SLC25A24: variants seen among roughly 807,000 people sequenced by gnomAD.
SLC25A24 encodes the protein solute carrier family 25 member 24, also known as mitochondrial adenyl nucleotide antiporter SLC25A24.
SLC25A24 carries 49 observed loss-of-function variants against 60.7 expected under a neutral mutation model. The observed-to-expected ratio is 0.81, with a 90% CI of 0.64 to 1.02. SLC25A24 has a LOEUF of 1.02. Among genes scored for constraint, SLC25A24 ranks in the 50% least tolerant of loss-of-function variants. The pLI is 0.00. For missense variants in SLC25A24, 564 were observed against 586.3 expected, an observed-to-expected ratio of 0.96 and a Z score of 0.39; for synonymous variants, 202 against 200.6, an observed-to-expected ratio of 1.01 and a Z score of -0.06.
At chr1:108,157,999 C>T (rs1419522862) in intron 4 of SLC25A24, among the ~76,000 whole-genome samples, 1 of 152,098 alleles carries the variant, frequency 6.6e-6, no homozygotes, top group Non-Finnish European at 1.5e-5. Flanking sequence ...CTGGTGATGA[C>T]ATCTTTTAAG....
At chr1:108,157,153 AG>A in intron 5 of SLC25A24, among the ~76,000 whole-genome samples, 1 of 152,314 alleles carries the variant, frequency 6.6e-6, no homozygotes, top group African/African-American at 2.4e-5. Flanking sequence ...TATATTAAAA[AG>A]AAGGAAACTA....
intron 1 of SLC25A24, chr1:108,192,754 C>T (rs1648385107): frequency 1.5e-6 from 2 of 1,363,630 alleles, no homozygotes; most frequent in Non-Finnish European, 1.9e-6. Context: ...TCCTCAGGGG[C>T]GCCAAACACA....
chr1:108,142,699 T>C (rs963888929), intron 8 of SLC25A24, among the ~76,000 whole-genome samples: 1 of 152,184 alleles, frequency 6.6e-6, no homozygotes, highest in African/African-American at 2.4e-5. Flanking sequence ...GTGTTGATGG[T>C]TGCACAATAT....
chr1:108,163,943 G>C (rs1398927832), intron 3 of SLC25A24, among the ~76,000 whole-genome samples: 19 of 152,082 alleles, frequency 1.2e-4, no homozygotes, highest in Non-Finnish European at 2.2e-4. Flanking sequence ...ATAGATAGCT[G>C]TTATTATTTT....
At chr1:108,179,379 CACCACTGTATGTATGTGTGTGTATACAT>C (rs1324471605) in intron 3 of SLC25A24, among the ~76,000 whole-genome samples, 1 of 152,016 alleles carries the variant, frequency 6.6e-6, no homozygotes, top group African/African-American at 2.4e-5. Context: ...CCTGCAATCC[CACCACTGTATGTATGTGTGTGTATACAT>C]ATATATATAC....
intron 3 of SLC25A24, among the ~76,000 whole-genome samples, chr1:108,168,980 G>A (rs929674276): frequency 1.3e-5 from 2 of 152,102 alleles, no homozygotes; most frequent in Admixed American, 6.5e-5. Context: ...TAACTTTCAC[G>A]TTTAGGTTGG....
intron 1 of SLC25A24, among the ~76,000 whole-genome samples, chr1:108,196,606 A>C (rs828993): frequency 0.24 from 37,069 of 152,116 alleles, 5,017 homozygotes; most frequent in African/African-American, 0.33. Context: ...CTTACTTAAA[A>C]AATAAGCATT....
intron 7 of SLC25A24, among the ~76,000 whole-genome samples, chr1:108,147,510 C>A (rs1423082986): frequency 6.6e-6 from 1 of 152,016 alleles, no homozygotes; most frequent in Non-Finnish European, 1.5e-5. Context: ...CTTAGGGTGT[C>A]GATTTTAGAT....
At chr1:108,192,424 CCT>C in intron 1 of SLC25A24, 1 of 1,162,586 alleles carries the variant, frequency 8.6e-7, no homozygotes, top group Non-Finnish European at 1.2e-6. Context: ...TAAATTTTGC[CCT>C]CTCTGCCCAA....
At chr1:108,179,408 A>C (rs182137237) in intron 3 of SLC25A24, among the ~76,000 whole-genome samples, 1 of 152,184 alleles carries the variant, frequency 6.6e-6, no homozygotes, top group Admixed American at 6.5e-5. Context: ...GTGTATACAT[A>C]TATATATACA....
In SLC25A24 at chr1:108,147,986, G is replaced by A. The variant is rs368419332; in HGVS notation, c.930+293C>T. Among the ~76,000 whole-genome samples the A allele has an allele frequency of 5.3e-4, 80 of 152,206 alleles. 2 individuals carry two copies. In the East Asian group the frequency reaches 8.9e-3, roughly 17 times the overall value. ...TCAGGCAGCCTACAGAAAGGCTCAC[G>A]TGATAAGGAACTGATGTTTCCAGCC... On this transcript the variant is annotated intron_variant, in intron 7 of 9. Transcript: ENST00000565488.
intron 4 of SLC25A24, among the ~76,000 whole-genome samples, chr1:108,160,951 A>C (rs1680059024): frequency 1.3e-5 from 2 of 151,730 alleles, no homozygotes; most frequent in Admixed American, 1.3e-4. Context: ...AAAGAGAGGG[A>C]GAGGGAGACC....
At position 108,186,959 on chromosome 1, in the gene SLC25A24, C is replaced by T. The variant is rs529980716; in HGVS notation, c.184-1005G>A. On this transcript the variant is annotated intron_variant, in intron 1 of 9. Transcript: ENST00000565488. ...GGGCATGGTGGCGCATGCCTGTAATCCCAGCTACTTGGGAGGCTGAGGCAA... is the reference window on the plus strand; with the variant it reads ...GGGCATGGTGGCGCATGCCTGTAATTCCAGCTACTTGGGAGGCTGAGGCAA... Among the ~76,000 whole-genome samples the T allele has an allele frequency of 3.3e-5, 5 of 152,164 alleles. No individual in the cohort carries two copies. The South Asian group carries it at 8.3e-4, about 25-fold the overall frequency.
At chr1:108,178,181 C>CAA (rs981881304) in intron 3 of SLC25A24, among the ~76,000 whole-genome samples, 43 of 151,650 alleles carry the variant, frequency 2.8e-4, no homozygotes, top group African/African-American at 9.7e-4. Flanking sequence ...ACAACAACAA[C>CAA]AACAACAAAT....
intron 3 of SLC25A24, among the ~76,000 whole-genome samples, chr1:108,163,387 G>A (rs1379236796): frequency 8.0e-5 from 12 of 150,044 alleles, no homozygotes; most frequent in African/African-American, 2.2e-4. Context: ...GCCTTGGGCA[G>A]TATGGCCATT....
intron 2 of SLC25A24, among the ~76,000 whole-genome samples, chr1:108,182,912 T>G (rs1179235195): frequency 6.6e-6 from 1 of 151,658 alleles, no homozygotes; most frequent in Non-Finnish European, 1.5e-5. Flanking sequence ...GACAGAAAAT[T>G]TTTAATACTA....
At chr1:108,185,985 C>G in intron 1 of SLC25A24, 31 bp from the exon 2 acceptor site, 1 of 1,504,456 alleles carries the variant, frequency 6.6e-7, no homozygotes, top group Non-Finnish European at 9.0e-7. Context: ...GAAGTTATTG[C>G]CAATATGGGC....
At chr1:108,169,313 T>C (rs1647360350) in intron 3 of SLC25A24, among the ~76,000 whole-genome samples, 1 of 152,162 alleles carries the variant, frequency 6.6e-6, no homozygotes, top group Non-Finnish European at 1.5e-5. Context: ...GATATAAATT[T>C]GAGACTCAGC....
At chr1:108,168,390 C>A (rs762723541) in intron 3 of SLC25A24, among the ~76,000 whole-genome samples, 6 of 152,262 alleles carry the variant, frequency 3.9e-5, no homozygotes, top group Middle Eastern at 3.4e-3. Context: ...CACACATAAG[C>A]ATCCTCCACA....
Sources: gnomAD v4.1 joint callset for allele counts (sites outside exome capture counted in the v4.1 genomes callset) on GRCh38, gnomAD v4.1.1 for gene constraint, MANE v1.5 for transcripts, NCBI Gene and HGNC (gene_info 2026-07-23, HGNC 2026-07-21) for gene names.